The following ADAP2 variants were observed in gnomAD, a reference collection of about 807,000 sequenced individuals.
ADAP2 encodes ArfGAP with dual PH domains 2, also known as arf-GAP with dual PH domain-containing protein 2.
In ADAP2, 42 loss-of-function variants were observed where a neutral mutation model predicts 54.9. The ratio of observed to expected loss-of-function variants is 0.77; its 90% CI spans 0.60 to 0.99. The LOEUF (loss-of-function observed/expected upper bound fraction) is 0.99, where lower values mean the gene tolerates loss of function less well. Among genes scored for constraint, ADAP2 ranks in the 50% least tolerant of loss-of-function variants. The probability of loss-of-function intolerance (pLI) is 0.00; values close to 1 mark genes in which losing one functional copy is unlikely to be tolerated. For missense variants in ADAP2, 429 were observed against 480.4 expected (o/e 0.89, Z 1.00); for synonymous variants, 177 against 180.1 (o/e 0.98, Z 0.14).
At chr17:30,936,691 C>A (rs551355812) in intron 5 of ADAP2, among the ~76,000 whole-genome samples, 1 of 152,090 alleles carries the variant, frequency 6.6e-6, no homozygotes, top group African/African-American at 2.4e-5. Context: ...CCGAGGTGGG[C>A]AGATCAGGAG....
rs1457653131 is a variant in ADAP2, at chr17:30,931,890, G to A, written c.319G>A (p.Val107Ile). Residue 107 changes from valine (V) to isoleucine (I), a missense_variant and splice_region_variant, in exon 4 of 11, where the codon GTC becomes ATC. By Grantham distance (29) the Val-to-Ile change is conservative. Coordinates refer to ENST00000330889, the MANE Select transcript of ADAP2 (RefSeq NM_018404.3). ...TGACCTCAGGCTCTCTCTTTTTAGG[G>A]TCTTAAAGGAACAATGGATTCGAGC... Reference protein sequence around the residue: ...YYIPQANDCLVLKEQWIRAKY... With the variant: ...YYIPQANDCLILKEQWIRAKY... 1 of 1,613,334 alleles carries A rather than the reference G, an allele frequency of 6.2e-7. No homozygotes were observed. The highest frequency in any genetic ancestry group is 8.5e-7 in the Non-Finnish European group (1 of 1,179,638).
chr17:30,924,332 C>T (rs1477595421), intron 2 of ADAP2, among the ~76,000 whole-genome samples: 1 of 151,422 alleles, frequency 6.6e-6, no homozygotes, highest in Admixed American at 6.6e-5. Context: ...GAGATCGCAC[C>T]ACTGCACTCC....
chr17:30,943,033 C>T (rs549375554), intron 5 of ADAP2, among the ~76,000 whole-genome samples: 2 of 152,190 alleles, frequency 1.3e-5, no homozygotes, highest in African/African-American at 2.4e-5. Context: ...TTTGACCCAG[C>T]AATCCCATTA....
intron 2 of ADAP2, 76 bp downstream of exon 2, chr17:30,923,146 TAC>T: frequency 6.5e-7 from 1 of 1,544,498 alleles, no homozygotes; most frequent in Non-Finnish European, 8.9e-7. Flanking sequence ...GCTCCCATTC[TAC>T]AGAGGGGGAA....
rs139442727 is a variant in ADAP2, at chr17:30,957,841, C to T, written c.1118C>T (p.Ser373Leu). The part of the protein sequence containing the change: ...PLTPLNRLTA[S>L]TESGRSSR ...CTCTTCATTTCCCTTGCAGCTGCAT[C>T]AACAGAGAGTGGCCGCAGCAGCAGG... Residue 373 changes from serine (S) to leucine (L), a missense_variant, in exon 11 of 11, where the codon TCA becomes TTA. Coordinates refer to ENST00000330889, the MANE Select transcript of ADAP2 (RefSeq NM_018404.3). 2 of 1,613,804 alleles carry T rather than the reference C, an allele frequency of 1.2e-6. No individual in the cohort carries two copies. Among genetic ancestry groups the T allele is most frequent in the East Asian group, 2.2e-5 (1 of 44,876 alleles).
At chr17:30,932,971 A>G (rs1911607231) in intron 4 of ADAP2, among the ~76,000 whole-genome samples, 1 of 152,134 alleles carries the variant, frequency 6.6e-6, no homozygotes, top group South Asian at 2.1e-4. Flanking sequence ...GCAGCTCAAG[A>G]CTTGGTGAGG....
intron 3 of ADAP2, among the ~76,000 whole-genome samples, chr17:30,927,540 G>C (rs188803233): frequency 3.3e-5 from 5 of 151,878 alleles, no homozygotes; most frequent in South Asian, 2.1e-4. Flanking sequence ...GTGTGAACCC[G>C]GGAGGCAGAG....
intron 4 of ADAP2, among the ~76,000 whole-genome samples, chr17:30,933,790 G>A (rs186178463): frequency 3.3e-5 from 5 of 152,316 alleles, no homozygotes; most frequent in East Asian, 3.9e-4. Context: ...GAGCCACTGC[G>A]CCCTGCCTTA....
At chr17:30,923,092 G>C in intron 2 of ADAP2, 22 bp downstream of exon 2, 2 of 1,612,616 alleles carry the variant, frequency 1.2e-6, no homozygotes, top group African/African-American at 1.3e-5. Flanking sequence ...TGCCCGTGGA[G>C]AGCCATGGAA....
chr17:30,933,833 G>C (rs1354943852), intron 4 of ADAP2, among the ~76,000 whole-genome samples: 1 of 152,230 alleles, frequency 6.6e-6, no homozygotes. Context: ...ATGTCAGCAT[G>C]AAGTTGGGCA....
intron 6 of ADAP2, among the ~76,000 whole-genome samples, chr17:30,947,171 G>T (rs1472187674): frequency 6.6e-6 from 1 of 152,198 alleles, no homozygotes; most frequent in Non-Finnish European, 1.5e-5. Flanking sequence ...GGGATGGGGA[G>T]GGGGCTGTGG....
chr17:30,947,512 C>A (rs1439729423), intron 6 of ADAP2, among the ~76,000 whole-genome samples: 1 of 152,186 alleles, frequency 6.6e-6, no homozygotes, highest in African/African-American at 2.4e-5. Context: ...TACCACCATA[C>A]CCGGCTAATT....
At chr17:30,943,808 T>A (rs1294549226) in intron 5 of ADAP2, among the ~76,000 whole-genome samples, 1 of 151,390 alleles carries the variant, frequency 6.6e-6, no homozygotes, top group East Asian at 1.9e-4. Context: ...GATCACGCCA[T>A]TGCACTTCAG....
chr17:30,931,179 G>A (rs1264575954), intron 3 of ADAP2, among the ~76,000 whole-genome samples: 7 of 150,234 alleles, frequency 4.7e-5, no homozygotes, highest in Admixed American at 2.0e-4. Flanking sequence ...GGTGTAGATG[G>A]TCCAGAGGAG....
intron 3 of ADAP2, among the ~76,000 whole-genome samples, chr17:30,927,775 T>G (rs1911174534): frequency 6.6e-6 from 1 of 151,978 alleles, no homozygotes; most frequent in Non-Finnish European, 1.5e-5. Context: ...ATCCTAGCAC[T>G]TTGGGAGGCT....
chr17:30,955,947 A>G (rs1905035905), intron 9 of ADAP2, among the ~76,000 whole-genome samples: 1 of 152,030 alleles, frequency 6.6e-6, no homozygotes, highest in Non-Finnish European at 1.5e-5. Context: ...GGGTCTCACT[A>G]TGTTGTCCCG....
At chr17:30,944,649 G>A (rs1456803263) in intron 5 of ADAP2, among the ~76,000 whole-genome samples, 5 of 152,116 alleles carry the variant, frequency 3.3e-5, no homozygotes, top group African/African-American at 9.7e-5. Flanking sequence ...TAGTAGAGAC[G>A]GGGTTTTACC....
rs991050613 is a variant in ADAP2 at position 30,953,275 on chromosome 17, C to A, written c.742-13C>A. 2.5e-6 allele frequency: 4 copies of A among 1,613,882 alleles called. No individual in the cohort carries two copies. The highest frequency in any genetic ancestry group is 2.2e-5 in the East Asian group (1 of 44,880). On this transcript the variant is annotated splice_polypyrimidine_tract_variant and intron_variant, in intron 7 of 10. Coordinates refer to ENST00000330889, the MANE Select transcript of ADAP2 (RefSeq NM_018404.3). ...GTGTGAGTTGGGGGTCAGTGTCTGT[C>A]TCTCTTCCCCAGCTCGTGCCATTCC...
chr17:30,955,466 G>T (rs1719175174), intron 9 of ADAP2, among the ~76,000 whole-genome samples: 1 of 151,986 alleles, frequency 6.6e-6, no homozygotes, highest in African/African-American at 2.4e-5. Context: ...CCAGCATTTT[G>T]GAAGGCTGAG....
Sources: gnomAD v4.1 joint callset for allele counts (sites outside exome capture counted in the v4.1 genomes callset) on GRCh38, gnomAD v4.1.1 for gene constraint, MANE v1.5 for transcripts, NCBI Gene and HGNC (gene_info 2026-07-23, HGNC 2026-07-21) for gene names.